Variants in KDM5A observed in about 807,000 individuals in gnomAD.
KDM5A encodes lysine demethylase 5A.
In KDM5A, 42 loss-of-function variants were observed where a neutral mutation model predicts 193.5. The observed-to-expected ratio is 0.22, with a 90% CI of 0.17 to 0.28. KDM5A has a LOEUF of 0.28. Ranked by LOEUF, KDM5A falls within the 10% of genes least tolerant of loss-of-function variation. The pLI, the probability that KDM5A is intolerant of heterozygous loss-of-function variation, is 1.00. For synonymous variants in KDM5A, 796 were observed against 718.1 expected, an observed-to-expected ratio of 1.11 and a Z score of -1.73; for missense variants, 1,692 against 2,055.1, an observed-to-expected ratio of 0.82 and a Z score of 3.42.
Position 318,158 on chromosome 12 carries a change from G to C in KDM5A, c.2845C>G (p.Leu949Val). ...TCTTCCCATCGTTCAGAGACTGTAA[G>C]GAGCTCCTGTAGTTCAGCCATTGCT... ...EKAMAELQEL[L>V]TVSERWEEKA... Residue 949 changes from leucine to valine, a missense_variant, in exon 19 of 28, where the codon CTT becomes GTT. Physicochemically the swap from Leu to Val is conservative, Grantham distance 32. This residue lies in a region of KDM5A where 965 missense variants were observed against 1,061.0 expected (regional missense o/e 0.91). Coordinates refer to ENST00000399788, the MANE Select transcript of KDM5A (RefSeq NM_001042603.3). The C allele has an allele frequency of 6.2e-7, 1 of 1,614,212 alleles. No homozygotes were observed. The highest frequency in any genetic ancestry group is 8.5e-7 in the Non-Finnish European group (1 of 1,180,032).
intron 10 of KDM5A, among the ~76,000 whole-genome samples, chr12:343,929 G>A (rs1157854957): frequency 6.6e-6 from 1 of 152,210 alleles, no homozygotes; most frequent in Non-Finnish European, 1.5e-5. Context: ...TGAGTTGACA[G>A]AAGTAGGGTT....
chr12:368,324 C>T (rs955819959), intron 3 of KDM5A, among the ~76,000 whole-genome samples: 2 of 152,084 alleles, frequency 1.3e-5, no homozygotes, highest in Non-Finnish European at 2.9e-5. Context: ...CTTAATGCCA[C>T]TCAACTGTGT....
intron 3 of KDM5A, among the ~76,000 whole-genome samples, chr12:372,006 G>A (rs924875305): frequency 6.6e-6 from 1 of 152,176 alleles, no homozygotes; most frequent in Non-Finnish European, 1.5e-5. Flanking sequence ...CTGTAGCCTT[G>A]TAGTATAGTT....
chr12:315,834 G>A (rs186171715), intron 19 of KDM5A, among the ~76,000 whole-genome samples: 222 of 152,284 alleles, frequency 1.5e-3, no homozygotes, highest in African/African-American at 4.8e-3. Flanking sequence ...GTCCAATTTT[G>A]GATACAGGGA....
chr12:348,906 A>G (rs577579684), intron 10 of KDM5A, among the ~76,000 whole-genome samples: 26 of 152,018 alleles, frequency 1.7e-4, no homozygotes, highest in African/African-American at 5.8e-4. Context: ...TTAAAGTGTA[A>G]TAAAATAAAA....
At chr12:343,086 C>G (rs1187344888) in intron 10 of KDM5A, among the ~76,000 whole-genome samples, 1 of 152,206 alleles carries the variant, frequency 6.6e-6, no homozygotes, top group African/African-American at 2.4e-5. Flanking sequence ...TGCAATTTTC[C>G]CAAGGTCTTA....
chr12:353,738 T>C (rs973937183), intron 8 of KDM5A, among the ~76,000 whole-genome samples: 30 of 152,008 alleles, frequency 2.0e-4, no homozygotes. Context: ...CTGGCCAACA[T>C]GGTGAAACCA....
At chr12:384,188 G>C (rs1944611876) in intron 2 of KDM5A, 35 bp from the exon 3 acceptor site, 6 of 1,490,486 alleles carry the variant, frequency 4.0e-6, no homozygotes, top group Non-Finnish European at 5.6e-6. Flanking sequence ...ACTAAGTTAT[G>C]ATTGAAATGA....
intron 3 of KDM5A, among the ~76,000 whole-genome samples, chr12:368,055 C>T (rs575490691): frequency 7.9e-5 from 12 of 152,104 alleles, no homozygotes; most frequent in East Asian, 1.9e-4. Flanking sequence ...AATGAATAAA[C>T]GAAATGTAGT....
intron 26 of KDM5A, among the ~76,000 whole-genome samples, chr12:295,233 A>AG (rs1489823049): frequency 1.3e-5 from 2 of 152,084 alleles, no homozygotes; most frequent in African/African-American, 4.8e-5. Context: ...TCCTACAAGA[A>AG]GAAAGGAAAG....
intron 27 of KDM5A, among the ~76,000 whole-genome samples, chr12:290,911 G>A (rs7965338): frequency 0.04 from 6,046 of 152,068 alleles, 387 homozygotes; most frequent in African/African-American, 0.13. Flanking sequence ...AGTTTAAAAA[G>A]GAAACATCCT....
intron 4 of KDM5A, among the ~76,000 whole-genome samples, chr12:364,458 C>CGGAGTCTCATCTCAAA (rs1239489486): frequency 6.7e-6 from 1 of 149,036 alleles, no homozygotes. Context: ...GCCTGGGCGA[C>CGGAGTCTCATCTCAAA]ACAGCAAGAT....
rs988434655 is a variant in KDM5A at position 291,589 on chromosome 12, T to C, written c.4866+1170A>G. ...GCTCTAAAAAGGTTTAAGTATTTCA[T>C]TGAAAAAGTGAGGGCATAACCTATA... On this transcript the variant is annotated intron_variant, in intron 27 of 27. Transcript: ENST00000399788. Among the ~76,000 whole-genome samples the C allele has an allele frequency of 7.9e-5, 12 of 152,340 alleles. No individual in the cohort carries two copies. In the East Asian group the frequency reaches 1.2e-3, roughly 15 times the overall value.
At chr12:363,283 G>T (rs1022966902) in intron 4 of KDM5A, among the ~76,000 whole-genome samples, 186 bp from the exon 5 acceptor site, 1 of 151,894 alleles carries the variant, frequency 6.6e-6, no homozygotes, top group Non-Finnish European at 1.5e-5. Flanking sequence ...ATTGAAAGCC[G>T]ACCCTAAAAT....
chr12:324,135 C>T (rs1354508818), intron 14 of KDM5A, among the ~76,000 whole-genome samples: 1 of 151,860 alleles, frequency 6.6e-6, no homozygotes, highest in Non-Finnish European at 1.5e-5. Context: ...AGTGAGCATC[C>T]CTACAAAAAA....
At chr12:300,579 G>C (rs1046078218) in intron 24 of KDM5A, among the ~76,000 whole-genome samples, 1 of 151,820 alleles carries the variant, frequency 6.6e-6, no homozygotes, top group Non-Finnish European at 1.5e-5. Flanking sequence ...CAAGAGAAAG[G>C]AAAGATCTAA....
intron 26 of KDM5A, among the ~76,000 whole-genome samples, chr12:294,221 T>C (rs1306746081): frequency 1.3e-5 from 2 of 152,236 alleles, no homozygotes; most frequent in East Asian, 1.9e-4. Flanking sequence ...CTTTTTAATA[T>C]TGTTGCTAGT....
intron 22 of KDM5A, 93 bp downstream of exon 22, chr12:309,710 A>G: frequency 7.5e-7 from 1 of 1,339,754 alleles, no homozygotes; most frequent in Non-Finnish European, 1.1e-6. Flanking sequence ...TATGAAAATA[A>G]AAAGTTAAAA....
At chr12:353,446 TA>T (rs1944188157) in intron 8 of KDM5A, among the ~76,000 whole-genome samples, 1 of 152,314 alleles carries the variant, frequency 6.6e-6, no homozygotes, top group East Asian at 1.9e-4. Flanking sequence ...ATACTTTAAT[TA>T]ATAGAGAAAA....
Sources: allele counts gnomAD v4.1 joint callset (sites outside exome capture counted in the v4.1 genomes callset), GRCh38; gene constraint gnomAD v4.1.1; regional missense constraint gnomAD v4.1.1; transcripts MANE v1.5; gene names NCBI Gene and HGNC (gene_info 2026-07-23, HGNC 2026-07-21).